Variants in RPRML observed in about 807,000 individuals in gnomAD.
RPRML encodes reprimo like.
In RPRML, 4 loss-of-function variants were observed where a neutral mutation model predicts 5.2. The observed-to-expected ratio is 0.77, with a 90% CI of 0.38 to 1.76. The LOEUF is 1.76. Among genes scored for constraint, RPRML ranks in the 40% most tolerant of loss-of-function variants. RPRML has a pLI of 0.04. For missense variants in RPRML, 181 were observed against 177.7 expected, an observed-to-expected ratio of 1.02 and a Z score of -0.11; for synonymous variants, 79 against 89.1, an observed-to-expected ratio of 0.89 and a Z score of 0.64.
Position 46,978,315 on chromosome 17 carries a change from ACGCGAGCGAC to A in RPRML, c.*320_*329del, listed in dbSNP as rs921240298. The A allele has an allele frequency of 2.8e-6, 1 of 351,910 alleles. No homozygotes were observed. The highest frequency in any genetic ancestry group is 5.1e-6 in the Non-Finnish European group (1 of 195,752). 21.8% of individuals were successfully genotyped at this position (351,910 alleles called of 1,614,324 possible). On this transcript the variant is annotated 3_prime_UTR_variant, in exon 1 of 1. Transcript: ENST00000322329. ...GCACCAACGTACACACAAAACTCCC[ACGCGAGCGAC>A]CGCAGTCCCAAATTGCATCTCCATA...
At position 46,978,260 on chromosome 17, in the gene RPRML, A is replaced by C. The variant is rs1233858484; in HGVS notation, c.*385T>G. The C allele has an allele frequency of 1.2e-5, 3 of 250,772 alleles. No individual in the cohort carries two copies. Among genetic ancestry groups the C allele is most frequent in the African/African-American group, 6.9e-5 (3 of 43,666 alleles). 15.5% of individuals were successfully genotyped at this position (250,772 alleles called of 1,614,324 possible). A position where few individuals can be genotyped will look rare whatever the true frequency, so the allele number is the denominator to read the frequency against. On this transcript the variant is annotated 3_prime_UTR_variant, in exon 1 of 1. Transcript: ENST00000322329. ...AGCGACTCTGACGCTTCACATCTTC[A>C]CCCACTCGCACCGTGTTCCGAACCC...
Position 46,978,818 on chromosome 17 carries a change from CCCA to C in RPRML, c.187_189del (p.Trp63del). The C allele has an allele frequency of 6.2e-7, 1 of 1,609,632 alleles. No individual in the cohort carries two copies. The highest frequency in any genetic ancestry group is 8.5e-7 in the Non-Finnish European group (1 of 1,178,614). ...ACGGCGATCTGCGCCACCCGCGACA[CCCA>C]CAGGCTGCGCTCGTCGGGCGCCAGC... On this transcript the variant is annotated inframe_deletion, in exon 1 of 1. Coordinates refer to ENST00000322329, the MANE Select transcript of RPRML (RefSeq NM_203400.5).
rs890989218 is a variant in RPRML at position 46,979,030 on chromosome 17, C to A, written c.-23G>T. On this transcript the variant is annotated 5_prime_UTR_variant, in exon 1 of 1. Transcript: ENST00000322329. ...CATCGCCGCGCGGCGCCGGGGGTCT[C>A]GGCGCGCAGTCCCGGGTGCACTGGG... 7.2e-7 allele frequency: 1 copy of A among 1,387,140 alleles called. No homozygotes were observed. Among genetic ancestry groups the A allele is most frequent in the African/African-American group, 1.5e-5 (1 of 65,404 alleles). The allele number at this position is 1,387,140 out of a possible 1,614,324, so 85.9% of individuals were successfully genotyped here. A position where few individuals can be genotyped will look rare whatever the true frequency, so the allele number is the denominator to read the frequency against.
chr17:46,979,181 A>C lies in RPRML; in HGVS notation c.-174T>G. On this transcript the variant is annotated 5_prime_UTR_variant, in exon 1 of 1. Transcript: ENST00000322329. ...GCTCTCGGGCCGCCTACCCCTGGGC[A>C]CCGGGCGGGAAGCGACCGCCCGGAG... The C allele has an allele frequency of 1.6e-6, 1 of 637,732 alleles. No individual in the cohort carries two copies. Among genetic ancestry groups the C allele is most frequent in the Non-Finnish European group, 2.3e-6 (1 of 428,526 alleles). 39.5% of individuals were successfully genotyped at this position (637,732 alleles called of 1,614,324 possible). A position where few individuals can be genotyped will look rare whatever the true frequency, so the allele number is the denominator to read the frequency against.
chr17:46,978,300 A>G lies in RPRML; in HGVS notation c.*345T>C, dbSNP rs568365079. Reference sequence around the variant, plus strand: ...GTTCCGAACCCACCCGCACCAACGTACACACAAAACTCCCACGCGAGCGAC... The same window carrying G: ...GTTCCGAACCCACCCGCACCAACGTGCACACAAAACTCCCACGCGAGCGAC... On this transcript the variant is annotated 3_prime_UTR_variant, in exon 1 of 1. Coordinates refer to ENST00000322329, the MANE Select transcript of RPRML (RefSeq NM_203400.5). 6.5e-4 allele frequency: 213 copies of G among 328,930 alleles called. 5 individuals are homozygous for G. The South Asian group carries it at 0.011, about 17-fold the overall frequency. 20.4% of individuals were successfully genotyped at this position (328,930 alleles called of 1,614,324 possible).
Position 46,978,907 on chromosome 17 carries a change from G to T in RPRML, c.101C>A (p.Thr34Lys). ...GCCCCCTGGACAGCAGCCCAGCCACGTGCCCAGCCCGTGGGTGCGGTTTCC... is the reference window on the plus strand; with the variant it reads ...GCCCCCTGGACAGCAGCCCAGCCACTTGCCCAGCCCGTGGGTGCGGTTTCC... ...ALGNRTHGLG[T>K]WLGCCPGGAP... The change falls in exon 1 of 1, where the codon ACG (threonine) becomes AAG (lysine). Residue 34 changes from threonine to lysine, a missense_variant. Transcript: ENST00000322329. The T allele has an allele frequency of 1.4e-6, 2 of 1,475,252 alleles. No individual in the cohort carries two copies. Among genetic ancestry groups the T allele is most frequent in the Non-Finnish European group, 1.8e-6 (2 of 1,122,066 alleles). 91.4% of individuals were successfully genotyped at this position (1,475,252 alleles called of 1,614,324 possible).
rs936379159 is a variant in RPRML at position 46,978,925 on chromosome 17, C to A, written c.83G>T (p.Arg28Leu). 5 of 1,461,878 alleles carry A rather than the reference C, an allele frequency of 3.4e-6. No individual in the cohort carries two copies. The highest frequency in any genetic ancestry group is 4.5e-6 in the Non-Finnish European group (5 of 1,115,670). 90.6% of individuals were successfully genotyped at this position (1,461,878 alleles called of 1,614,324 possible). ...GGGAGAALGN[R>L]THGLGTWLGC... The stretch of plus-strand genomic sequence containing the variant: ...CAGCCACGTGCCCAGCCCGTGGGTG[C>A]GGTTTCCCAGGGCGGCCCCGGCGCC... The change falls in exon 1 of 1, where the codon CGC becomes CTC. Residue 28 changes from arginine to leucine, a missense_variant. By Grantham distance (102) the Arg-to-Leu change is moderately radical. Coordinates refer to ENST00000322329, the MANE Select transcript of RPRML (RefSeq NM_203400.5).
In RPRML at chr17:46,978,376, C is replaced by T; in HGVS notation, c.*269G>A. 1 of 418,794 alleles carries T rather than the reference C, an allele frequency of 2.4e-6. No individual in the cohort carries two copies. The highest frequency in any genetic ancestry group is 3.2e-5 in the South Asian group (1 of 31,724). The allele number at this position is 418,794 out of a possible 1,614,324, so 25.9% of individuals were successfully genotyped here. On this transcript the variant is annotated 3_prime_UTR_variant, in exon 1 of 1. Coordinates refer to ENST00000322329, the MANE Select transcript of RPRML (RefSeq NM_203400.5). ...CCCACTCCCACCCTGCCCCGAACGT[C>T]TTAAAAAACAAACAAACAAAAAAAA...
chr17:46,979,166 C>T lies in RPRML; in HGVS notation c.-159G>A. The T allele has an allele frequency of 1.3e-6, 1 of 772,252 alleles. No homozygotes were observed. Among genetic ancestry groups the T allele is most frequent in the South Asian group, 4.0e-5 (1 of 24,938 alleles). The allele number at this position is 772,252 out of a possible 1,614,324, so 47.8% of individuals were successfully genotyped here. ...GCTGGCTGCCTGCGCGCTCTCGGGC[C>T]GCCTACCCCTGGGCACCGGGCGGGA... On this transcript the variant is annotated 5_prime_UTR_variant, in exon 1 of 1. Coordinates refer to ENST00000322329, the MANE Select transcript of RPRML (RefSeq NM_203400.5).
chr17:46,978,953 C>A lies in RPRML; in HGVS notation c.55G>T (p.Gly19Cys). The change falls in exon 1 of 1, where the codon GGC (glycine) becomes TGC (cysteine). Residue 19 changes from glycine (G) to cysteine (C), a missense_variant. Coordinates refer to ENST00000322329, the MANE Select transcript of RPRML (RefSeq NM_203400.5). ...TTTCCCAGGGCGGCCCCGGCGCCGC[C>A]GCCCACGCCGTCCACCTCCTCCAAG... Reference protein sequence around the residue: ...SGLEEVDGVGGGAGAALGNRT... With the variant: ...SGLEEVDGVGCGAGAALGNRT... The A allele has an allele frequency of 1.4e-6, 2 of 1,454,090 alleles. No individual in the cohort carries two copies. Among genetic ancestry groups the A allele is most frequent in the Non-Finnish European group, 1.8e-6 (2 of 1,112,364 alleles). The allele number at this position is 1,454,090 out of a possible 1,614,324, so 90.1% of individuals were successfully genotyped here.
Position 46,979,067 on chromosome 17 carries a change from G to A in RPRML, c.-60C>T. ...CCGGGTGCACTGGGCTGCTCGCCGG[G>A]GTCCGCGCTCTCAGGGACGCTCCGG... On this transcript the variant is annotated 5_prime_UTR_variant, in exon 1 of 1. Transcript: ENST00000322329. The A allele has an allele frequency of 2.3e-6, 3 of 1,324,554 alleles. No individual in the cohort carries two copies. Among genetic ancestry groups the A allele is most frequent in the Non-Finnish European group, 2.9e-6 (3 of 1,044,420 alleles). The allele number at this position is 1,324,554 out of a possible 1,614,324, so 82.1% of individuals were successfully genotyped here. A position where few individuals can be genotyped will look rare whatever the true frequency, so the allele number is the denominator to read the frequency against.
In RPRML at chr17:46,978,838, G is replaced by A. The variant is rs201863464; in HGVS notation, c.170C>T (p.Pro57Leu). 5 of 1,603,726 alleles carry A rather than the reference G, an allele frequency of 3.1e-6. No individual in the cohort carries two copies. The East Asian group carries it at 1.1e-4, about 36-fold the overall frequency. The change falls in exon 1 of 1, where the codon CCC becomes CTC. Residue 57 changes from proline to leucine, a missense_variant. Pro to Leu is a moderately conservative substitution (Grantham distance 98). Transcript: ENST00000322329. ...CGACACCCACAGGCTGCGCTCGTCG[G>A]GCGCCAGCCCCGCGGGGACCCCGTC... is the stretch of plus-strand genomic sequence containing the variant. ...ASDGVPAGLAPDERSLWVSRV... is the reference protein window; with the variant it reads ...ASDGVPAGLALDERSLWVSRV...
At position 46,978,774 on chromosome 17, in the gene RPRML, A is replaced by G. The variant is rs575598158; in HGVS notation, c.234T>C (p.Leu78=). The G allele has an allele frequency of 6.2e-7, 1 of 1,612,528 alleles. No homozygotes were observed. The highest frequency in any genetic ancestry group is 1.3e-5 in the African/African-American group (1 of 74,990). ...AQIAVLCVLS[L]TVVFGVFFLG... Reference sequence around the variant, plus strand: ...GGAAGAAGACGCCGAAGACCACGGTAAGCGACAGCACGCAGAGCACGGCGA... The same window carrying G: ...GGAAGAAGACGCCGAAGACCACGGTGAGCGACAGCACGCAGAGCACGGCGA... The change falls in exon 1 of 1, where the codon CTT becomes CTC. Residue 78 remains leucine, a synonymous_variant. Coordinates refer to ENST00000322329, the MANE Select transcript of RPRML (RefSeq NM_203400.5).
rs761308403 is a variant in RPRML at position 46,978,839 on chromosome 17, G to T, written c.169C>A (p.Pro57Thr). The T allele has an allele frequency of 1.1e-5, 18 of 1,602,524 alleles. No homozygotes were observed. The highest frequency in any genetic ancestry group is 8.5e-7 in the Non-Finnish European group (1 of 1,175,818). The change falls in exon 1 of 1, where the codon CCC becomes ACC. Residue 57 changes from proline (P) to threonine (T), a missense_variant. Coordinates refer to ENST00000322329, the MANE Select transcript of RPRML (RefSeq NM_203400.5). ...GACACCCACAGGCTGCGCTCGTCGG[G>T]CGCCAGCCCCGCGGGGACCCCGTCG... ...ASDGVPAGLA[P>T]DERSLWVSRV...
In RPRML at chr17:46,978,681, G is replaced by A; in HGVS notation, c.327C>T (p.Ser109=). 6.2e-7 allele frequency: 1 copy of A among 1,610,556 alleles called. No individual in the cohort carries two copies. Among genetic ancestry groups the A allele is most frequent in the Non-Finnish European group, 8.5e-7 (1 of 1,178,856 alleles). ...CCAGGATGGCTGCGCCCACGTCCTT[G>A]GAGGGCCGGCGCTCCTGCACCAGAA... ...INFLVQERRP[S]KDVGAAILGL... is the part of the protein sequence containing the mutation. The change falls in exon 1 of 1, where the codon TCC becomes TCT. Residue 109 remains serine, a synonymous_variant. Coordinates refer to ENST00000322329, the MANE Select transcript of RPRML (RefSeq NM_203400.5).
chr17:46,978,895 C>T lies in RPRML; in HGVS notation c.113G>A (p.Cys38Tyr). The T allele has an allele frequency of 6.7e-7, 1 of 1,502,708 alleles. No individual in the cohort carries two copies. The highest frequency in any genetic ancestry group is 8.8e-7 in the Non-Finnish European group (1 of 1,133,650). The allele number at this position is 1,502,708 out of a possible 1,614,324, so 93.1% of individuals were successfully genotyped here. ...RTHGLGTWLG[C>Y]CPGGAPLAAS... The stretch of plus-strand genomic sequence containing the variant: ...GGCCAGCGGTGCGCCCCCTGGACAG[C>T]AGCCCAGCCACGTGCCCAGCCCGTG... Residue 38 changes from cysteine (C) to tyrosine (Y), a missense_variant, in exon 1 of 1, where the codon TGC becomes TAC. Transcript: ENST00000322329.
At position 46,978,394 on chromosome 17, in the gene RPRML, A is replaced by AAAC. The variant is rs3072527; in HGVS notation, c.*250_*251insGTT. ...CGAACGTCTTAAAAAACAAACAAAC[A>AAAC]AAAAAAACTGGTAAGAACCCTCACC... On this transcript the variant is annotated 3_prime_UTR_variant, in exon 1 of 1. Transcript: ENST00000322329. 2.5e-5 allele frequency: 9 copies of AAAC among 354,038 alleles called. No homozygotes were observed. In the African/African-American group the frequency reaches 3.5e-4, roughly 14 times the overall value. 21.9% of individuals were successfully genotyped at this position (354,038 alleles called of 1,614,324 possible).
rs1349102494 is a variant in RPRML at position 46,978,511 on chromosome 17, C to G, written c.*134G>C. ...CGCGCCCCCGCCGACAGTCTCGCCG[C>G]GTCCCCGCCCGGGCGCCCCAGGCAC... On this transcript the variant is annotated 3_prime_UTR_variant, in exon 1 of 1. Transcript: ENST00000322329. The G allele has an allele frequency of 5.6e-6, 6 of 1,076,424 alleles. No individual in the cohort carries two copies. In the African/African-American group the frequency reaches 8.4e-5, roughly 15 times the overall value. The allele number at this position is 1,076,424 out of a possible 1,614,324, so 66.7% of individuals were successfully genotyped here. A position where few individuals can be genotyped will look rare whatever the true frequency, so the allele number is the denominator to read the frequency against.
rs1339492864 is a variant in RPRML, at chr17:46,978,907, G to C, written c.101C>G (p.Thr34Arg). ...ALGNRTHGLG[T>R]WLGCCPGGAP... ...GCCCCCTGGACAGCAGCCCAGCCAC[G>C]TGCCCAGCCCGTGGGTGCGGTTTCC... Residue 34 changes from threonine (T) to arginine (R), a missense_variant, in exon 1 of 1, where the codon ACG (threonine) becomes AGG (arginine). Physicochemically the swap from Thr to Arg is moderately conservative, Grantham distance 71. Transcript: ENST00000322329. 2.0e-5 allele frequency: 29 copies of C among 1,475,254 alleles called. No individual in the cohort carries two copies. The highest frequency in any genetic ancestry group is 2.6e-5 in the Non-Finnish European group (29 of 1,122,068). 91.4% of individuals were successfully genotyped at this position (1,475,254 alleles called of 1,614,324 possible). A position where few individuals can be genotyped will look rare whatever the true frequency, so the allele number is the denominator to read the frequency against.
Sources: gnomAD v4.1 joint callset for allele counts on GRCh38, gnomAD v4.1.1 for gene constraint, MANE v1.5 for transcripts, NCBI Gene and HGNC (gene_info 2026-07-23, HGNC 2026-07-21) for gene names.